ADAM10: variants seen among roughly 807,000 people sequenced by gnomAD.
ADAM10 encodes the protein ADAM metallopeptidase domain 10.
Under a neutral mutation model 90.1 loss-of-function variants are expected in ADAM10, and 17 were observed. The observed-to-expected ratio is 0.19, with a 90% CI of 0.13 to 0.28. The LOEUF is 0.28. Among genes scored for constraint, ADAM10 ranks in the 10% least tolerant of loss-of-function variants. The probability of loss-of-function intolerance (pLI) is 1.00; values close to 1 mark genes in which losing one functional copy is unlikely to be tolerated. For synonymous variants in ADAM10, 310 were observed against 298.6 expected, an observed-to-expected ratio of 1.04 and a Z score of -0.40; for missense variants, 610 against 914.3, an observed-to-expected ratio of 0.67 and a Z score of 4.29.
intron 1 of ADAM10, chr15:58,732,723 A>C (rs1899294961): frequency 6.5e-6 from 1 of 153,060 alleles, no homozygotes; most frequent in Non-Finnish European, 1.5e-5. Context: ...AAAAAAAAAA[A>C]AAGAGTGAGC....
chr15:58,692,939 C>G (rs779348367), intron 2 of ADAM10: 3 of 716,940 alleles, frequency 4.2e-6, no homozygotes, highest in South Asian at 1.4e-5. Context: ...CCTGTGTTGA[C>G]CAAAGTCAGG....
At chr15:58,697,154 C>T (rs1316024188) in intron 2 of ADAM10, among the ~76,000 whole-genome samples, 1 of 152,174 alleles carries the variant, frequency 6.6e-6, no homozygotes. Flanking sequence ...CTGCTGGCTG[C>T]TGCCACTGGT....
chr15:58,641,921 G>A (rs993099110), intron 7 of ADAM10, among the ~76,000 whole-genome samples: 2 of 152,196 alleles, frequency 1.3e-5, no homozygotes, highest in South Asian at 2.1e-4. Context: ...AAAACCAAGA[G>A]GCTCAGAAGC....
intron 2 of ADAM10, among the ~76,000 whole-genome samples, chr15:58,714,329 A>G (rs1388920869): frequency 6.6e-6 from 1 of 151,548 alleles, no homozygotes; most frequent in Non-Finnish European, 1.5e-5. Flanking sequence ...ACACACACAG[A>G]AGCTGTGCTA....
chr15:58,618,937 G>A (rs1372891612), intron 11 of ADAM10, among the ~76,000 whole-genome samples: 3 of 152,162 alleles, frequency 2.0e-5, no homozygotes, highest in African/African-American at 7.2e-5. Flanking sequence ...TAGCCACTGT[G>A]TAAACTGGTA....
Position 58,614,899 on chromosome 15 carries a change from T to C in ADAM10, c.1512-2908A>G, listed in dbSNP as rs78921529. ...ACAAATGAGAAAAAGAAGAGTCAAA[T>C]GTTACCACTACAGAAAACTACCAAA... On this transcript the variant is annotated intron_variant, in intron 11 of 15. Transcript: ENST00000260408. Among the ~76,000 whole-genome samples, 889 of 152,156 alleles carry C rather than the reference T, an allele frequency of 5.8e-3. 3 individuals carry two copies. Among genetic ancestry groups the C allele is most frequent in the African/African-American group, 0.02 (832 of 41,492 alleles).
chr15:58,651,876 C>T (rs775745202), intron 5 of ADAM10, among the ~76,000 whole-genome samples: 24 of 152,256 alleles, frequency 1.6e-4, no homozygotes, highest in Non-Finnish European at 1.6e-4. Context: ...CAGTGTGTGG[C>T]GGTTTCCTTT....
chr15:58,693,307 T>A (rs1387368705), intron 2 of ADAM10, among the ~76,000 whole-genome samples: 1 of 152,236 alleles, frequency 6.6e-6, no homozygotes, highest in Non-Finnish European at 1.5e-5. Flanking sequence ...TTCTTTATAC[T>A]AAAATTTCAT....
intron 5 of ADAM10, among the ~76,000 whole-genome samples, chr15:58,646,631 T>A (rs1255434764): frequency 6.6e-6 from 1 of 152,184 alleles, no homozygotes; most frequent in Admixed American, 6.5e-5. Flanking sequence ...TTACCTAGAG[T>A]ACTGCAGTAA....
In ADAM10 at chr15:58,597,552, G is replaced by A. The variant is rs376138084; in HGVS notation, c.2242C>T (p.Arg748Cys). 6 of 1,613,950 alleles carry A rather than the reference G, an allele frequency of 3.7e-6. No homozygotes were observed. The highest frequency in any genetic ancestry group is 2.2e-5 in the East Asian group (1 of 44,892). Residue 748 changes from arginine (R) to cysteine (C), a missense_variant, in exon 16 of 16, where the codon CGC (arginine) becomes TGC (cysteine). Physicochemically the swap from Arg to Cys is radical, Grantham distance 180. Around this residue, in one of 4 missense-constraint regions of ADAM10, gnomAD observed 150 missense variants for 268.5 expected, o/e 0.56. Coordinates refer to ENST00000260408, the MANE Select transcript of ADAM10 (RefSeq NM_001110.4). Reference sequence around the variant, plus strand: ...AACCAAGGCAAAAGCTGCAGTTAGCGTCTCATGTGTCCCATTTGATAACTC... The same window carrying A: ...AACCAAGGCAAAAGCTGCAGTTAGCATCTCATGTGTCCCATTTGATAACTC... The part of the protein sequence containing the change: ...RESYQMGHMR[R>C]
intron 11 of ADAM10, among the ~76,000 whole-genome samples, chr15:58,617,433 A>T (rs1027558918): frequency 1.8e-4 from 27 of 152,132 alleles, no homozygotes; most frequent in African/African-American, 3.8e-4. Context: ...ATCAGTAATT[A>T]AAAAAAAGTT....
chr15:58,714,147 C>T (rs1347452462), intron 2 of ADAM10, among the ~76,000 whole-genome samples: 2 of 152,042 alleles, frequency 1.3e-5, no homozygotes, highest in Non-Finnish European at 1.5e-5. Flanking sequence ...AAAATATAAA[C>T]GTTTCTTCAT....
chr15:58,687,243 G>A (rs1190200918), intron 2 of ADAM10, among the ~76,000 whole-genome samples: 16 of 152,164 alleles, frequency 1.1e-4, no homozygotes, highest in African/African-American at 3.9e-4. Context: ...AAAAGTTAAT[G>A]TTATGATGTG....
At position 58,640,952 on chromosome 15, in the gene ADAM10, T is replaced by A; in HGVS notation, c.837A>T (p.Thr279=). 1.2e-6 allele frequency: 2 copies of A among 1,613,878 alleles called. No individual in the cohort carries two copies. The highest frequency in any genetic ancestry group is 2.7e-5 in the African/African-American group (2 of 75,052). ...TTGTAGGGTCCTTCTCATCAGCAGT[T>A]GTATTGATCTAAAATCCAAAACAAT... ...SFMVKRIRIN[T]TADEKDPTNP... Residue 279 remains threonine, a synonymous_variant, in exon 8 of 16, where the codon ACA becomes ACT. Transcript: ENST00000260408.
At chr15:58,677,718 G>A (rs111673109) in intron 4 of ADAM10, among the ~76,000 whole-genome samples, 269 of 152,242 alleles carry the variant, frequency 1.8e-3, no homozygotes, top group African/African-American at 6.0e-3. Flanking sequence ...GGCAGATTAC[G>A]CTTTTCCTCT....
chr15:58,695,734 C>A (rs1207039219), intron 2 of ADAM10, among the ~76,000 whole-genome samples: 2 of 151,990 alleles, frequency 1.3e-5, no homozygotes, highest in East Asian at 3.9e-4. Flanking sequence ...GTAATCCCAA[C>A]ATTTTGGGAG....
chr15:58,691,128 C>T (rs751459557), intron 2 of ADAM10: 6 of 681,492 alleles, frequency 8.8e-6, no homozygotes, highest in African/African-American at 1.8e-5. Flanking sequence ...GGTCACAATG[C>T]GGCAGGGTGA....
At chr15:58,646,282 A>C (rs1896546766) in intron 5 of ADAM10, 78 bp from the exon 6 acceptor site, 5 of 1,393,616 alleles carry the variant, frequency 3.6e-6, no homozygotes, top group Non-Finnish European at 4.9e-6. Flanking sequence ...TACATACTAT[A>C]AACAATTTCA....
chr15:58,716,571 T>G (rs1360213371), intron 2 of ADAM10, among the ~76,000 whole-genome samples: 1 of 152,130 alleles, frequency 6.6e-6, no homozygotes, highest in Non-Finnish European at 1.5e-5. Context: ...CAAAGTAAGT[T>G]TAGAATAATA....
Sources: gnomAD v4.1 joint callset for allele counts (sites outside exome capture counted in the v4.1 genomes callset) on GRCh38, gnomAD v4.1.1 for gene constraint, gnomAD v4.1.1 regional missense constraint, MANE v1.5 for transcripts, NCBI Gene and HGNC (gene_info 2026-07-23, HGNC 2026-07-21) for gene names.